NALF1: variants seen among roughly 807,000 people sequenced by gnomAD.
NALF1 encodes the protein family with sequence similarity 155 member A.
A neutral mutation model predicts 48.4 loss-of-function variants in NALF1; 3 were observed. The ratio of observed to expected loss-of-function variants is 0.06; its 90% CI spans 0.03 to 0.16. NALF1 has a LOEUF of 0.16. Ranked by LOEUF, NALF1 falls within the 10% of genes least tolerant of loss-of-function variation. The pLI is 1.00. For missense variants in NALF1, 526 were observed against 571.5 expected (o/e 0.92, Z 0.81); for synonymous variants, 262 against 245.7 (o/e 1.07, Z -0.62).
At chr13:107,586,218 A>C (rs1024245205) in intron 1 of NALF1, among the ~76,000 whole-genome samples, 1 of 152,146 alleles carries the variant, frequency 6.6e-6, no homozygotes, top group African/African-American at 2.4e-5. Flanking sequence ...GCTTCATCAC[A>C]TACTACTACT....
chr13:107,591,325 C>T (rs1264108138), intron 1 of NALF1, among the ~76,000 whole-genome samples: 4 of 151,920 alleles, frequency 2.6e-5, no homozygotes, highest in East Asian at 1.9e-4. Flanking sequence ...AAGTTTAATA[C>T]GTATTCTGCA....
At chr13:107,714,331 T>C (rs1875685831) in intron 1 of NALF1, among the ~76,000 whole-genome samples, 9 of 152,134 alleles carry the variant, frequency 5.9e-5, no homozygotes, top group Admixed American at 5.9e-4. Context: ...ACCATGAGAC[T>C]TGACACTATG....
intron 1 of NALF1, among the ~76,000 whole-genome samples, chr13:107,567,008 G>GA (rs1314414492): frequency 2.0e-5 from 3 of 151,568 alleles, no homozygotes; most frequent in Non-Finnish European, 2.9e-5. Context: ...CTGATTAAAA[G>GA]AAAAAATTAC....
intron 1 of NALF1, among the ~76,000 whole-genome samples, chr13:107,505,008 T>G (rs1875648787): frequency 6.6e-6 from 1 of 152,186 alleles, no homozygotes; most frequent in African/African-American, 2.4e-5. Flanking sequence ...AAACAGACAG[T>G]GCATAGATAG....
chr13:107,254,310 G>A (rs986482760), intron 1 of NALF1, among the ~76,000 whole-genome samples: 1 of 152,088 alleles, frequency 6.6e-6, no homozygotes. Context: ...TTGTTGGGTG[G>A]AAAGCACGCA....
intron 1 of NALF1, among the ~76,000 whole-genome samples, chr13:107,312,642 C>T (rs1882069955): frequency 6.6e-6 from 1 of 151,960 alleles, no homozygotes; most frequent in African/African-American, 2.4e-5. Flanking sequence ...GTAGCAATAA[C>T]GTCAAAGAAA....
intron 1 of NALF1, among the ~76,000 whole-genome samples, chr13:107,322,718 A>G (rs2138915355): frequency 6.6e-6 from 1 of 152,176 alleles, no homozygotes; most frequent in Non-Finnish European, 1.5e-5. Context: ...TTATGCTTCA[A>G]ATTTCATAAC....
At chr13:107,710,035 T>C (rs1296503844) in intron 1 of NALF1, among the ~76,000 whole-genome samples, 1 of 152,078 alleles carries the variant, frequency 6.6e-6, no homozygotes, top group African/African-American at 2.4e-5. Flanking sequence ...GAGAATTGCT[T>C]GAGCCTGGAA....
At chr13:107,392,806 C>A (rs1039711031) in intron 1 of NALF1, among the ~76,000 whole-genome samples, 9 of 152,146 alleles carry the variant, frequency 5.9e-5, no homozygotes, top group Non-Finnish European at 1.2e-4. Flanking sequence ...TTGGTGCTGT[C>A]CCCTTGCAAA....
At chr13:107,589,009 A>T (rs1228545235) in intron 1 of NALF1, among the ~76,000 whole-genome samples, 2 of 152,108 alleles carry the variant, frequency 1.3e-5, no homozygotes, top group East Asian at 3.9e-4. Flanking sequence ...AAGTTAGCCT[A>T]AAATATTCAG....
At chr13:107,461,483 T>C (rs1484526683) in intron 1 of NALF1, among the ~76,000 whole-genome samples, 1 of 152,210 alleles carries the variant, frequency 6.6e-6, no homozygotes, top group Non-Finnish European at 1.5e-5. Context: ...ACATTCCTTT[T>C]CCTCTGTATC....
intron 1 of NALF1, among the ~76,000 whole-genome samples, chr13:107,309,309 T>C (rs1173211411): frequency 6.6e-6 from 1 of 152,210 alleles, no homozygotes; most frequent in East Asian, 1.9e-4. Flanking sequence ...TATGATGTCA[T>C]TCATCTCTTC....
At chr13:107,318,499 T>C (rs1566483766) in intron 1 of NALF1, among the ~76,000 whole-genome samples, 1 of 152,072 alleles carries the variant, frequency 6.6e-6, no homozygotes, top group Non-Finnish European at 1.5e-5. Flanking sequence ...ATTTACAAAG[T>C]ATGAGTTTCA....
chr13:107,782,793 G>A (rs1044394422), intron 1 of NALF1, among the ~76,000 whole-genome samples: 4 of 150,908 alleles, frequency 2.7e-5, no homozygotes, highest in Non-Finnish European at 2.9e-5. Flanking sequence ...CCCCATCTGA[G>A]AAGGGAGGAG....
intron 1 of NALF1, among the ~76,000 whole-genome samples, chr13:107,314,159 G>A (rs1045166026): frequency 6.6e-6 from 1 of 152,036 alleles, no homozygotes; most frequent in East Asian, 1.9e-4. Context: ...TGTCTCTCAG[G>A]TCTACTCTGT....
At chr13:107,768,015 G>T (rs914043666) in intron 1 of NALF1, among the ~76,000 whole-genome samples, 4 of 152,250 alleles carry the variant, frequency 2.6e-5, no homozygotes, top group African/African-American at 7.2e-5. Context: ...ATGATGAAGG[G>T]GGAGAACAGA....
chr13:107,255,913 C>A (rs922998286), intron 1 of NALF1, among the ~76,000 whole-genome samples: 7 of 149,884 alleles, frequency 4.7e-5, no homozygotes, highest in African/African-American at 1.5e-4. Context: ...TATTGGTTAT[C>A]TAACATAGGA....
At chr13:107,409,355 A>G (rs1338856358) in intron 1 of NALF1, among the ~76,000 whole-genome samples, 1 of 152,184 alleles carries the variant, frequency 6.6e-6, no homozygotes, top group East Asian at 1.9e-4. Flanking sequence ...GATCATCACA[A>G]TAAATAATGC....
Position 107,519,466 on chromosome 13 carries a change from A to G in NALF1, c.916-308711T>C, listed in dbSNP as rs190398775. Among the ~76,000 whole-genome samples the G allele has an allele frequency of 2.1e-3, 317 of 152,270 alleles. 3 individuals are homozygous for G. The highest frequency in any genetic ancestry group is 3.6e-3 in the Non-Finnish European group (242 of 68,022). On this transcript the variant is annotated intron_variant, in intron 1 of 2. Coordinates refer to ENST00000375915, the MANE Select transcript of NALF1 (RefSeq NM_001080396.3). ...TTTCCAAAAAACCTACTGTTTTAAG[A>G]ATGGTGTTCATGCCCCAAGGATGTC...
Sources: allele counts gnomAD v4.1 joint callset (sites outside exome capture counted in the v4.1 genomes callset), GRCh38; gene constraint gnomAD v4.1.1; transcripts MANE v1.5; gene names NCBI Gene and HGNC (gene_info 2026-07-23, HGNC 2026-07-21).